Variants in SERGEF observed in about 807,000 individuals in gnomAD.
SERGEF encodes the protein secretion regulating guanine nucleotide exchange factor, also known as secretion-regulating guanine nucleotide exchange factor.
A neutral mutation model predicts 50.0 loss-of-function variants in SERGEF; 51 were observed. The observed-to-expected ratio is 1.02, with a 90% CI of 0.81 to 1.29. The LOEUF is 1.29. Ranked by LOEUF, SERGEF falls within the 50% of genes most tolerant of loss-of-function variation. The pLI is 0.00. For synonymous variants in SERGEF, 205 were observed against 212.4 expected, an observed-to-expected ratio of 0.97 and a Z score of 0.30; for missense variants, 521 against 557.0, an observed-to-expected ratio of 0.94 and a Z score of 0.65.
At chr11:17,800,962 G>T (rs539853267) in intron 10 of SERGEF, among the ~76,000 whole-genome samples, 2 of 152,106 alleles carry the variant, frequency 1.3e-5, no homozygotes, top group Non-Finnish European at 2.9e-5. Context: ...TTGGGAGGCC[G>T]AGGCGGGTGG....
At chr11:17,825,675 A>G (rs1850180095) in intron 10 of SERGEF, among the ~76,000 whole-genome samples, 2 of 152,174 alleles carry the variant, frequency 1.3e-5, no homozygotes, top group Admixed American at 1.3e-4. Context: ...TTGGTTTCCT[A>G]CTTTAGAGCT....
intron 5 of SERGEF, among the ~76,000 whole-genome samples, chr11:17,998,427 A>G (rs1309206924): frequency 1.6e-4 from 2 of 12,132 alleles, no homozygotes; most frequent in African/African-American, 6.2e-4. Flanking sequence ...AAAAATACAT[A>G]CATACATACA....
chr11:17,788,238 C>A lies in SERGEF; in HGVS notation c.1224G>T (p.Leu408Phe). The change falls in exon 11 of 11, where the codon TTG becomes TTT. Residue 408 changes from leucine to phenylalanine, a missense_variant. Leu to Phe is a conservative substitution (Grantham distance 22). Transcript: ENST00000265965. The part of the protein sequence containing the change: ...ALCQLPAHPA[L>F]VQDPKVTYLS... ...GGTAGGTGACCTTGGGGTCCTGGAC[C>A]AATGCAGGGTGAGCTGGCAGCTGGC... 1 of 1,613,862 alleles carries A rather than the reference C, an allele frequency of 6.2e-7. No homozygotes were observed. The highest frequency in any genetic ancestry group is 8.5e-7 in the Non-Finnish European group (1 of 1,179,856).
chr11:17,993,858 A>G (rs1438426685), intron 6 of SERGEF, among the ~76,000 whole-genome samples: 1 of 152,124 alleles, frequency 6.6e-6, no homozygotes, highest in Non-Finnish European at 1.5e-5. Flanking sequence ...TGAGAACGGG[A>G]GGACGAAAAG....
chr11:17,925,157 A>G (rs568383067), intron 9 of SERGEF, among the ~76,000 whole-genome samples: 55 of 152,268 alleles, frequency 3.6e-4, no homozygotes, highest in African/African-American at 1.2e-3. Context: ...AGAAAAAACA[A>G]TAGCCTCTTT....
At chr11:17,871,057 C>A (rs1851129268) in intron 10 of SERGEF, among the ~76,000 whole-genome samples, 1 of 151,782 alleles carries the variant, frequency 6.6e-6, no homozygotes, top group South Asian at 2.1e-4. Context: ...ATATAAAAGG[C>A]AAAATAATAA....
intron 9 of SERGEF, among the ~76,000 whole-genome samples, chr11:17,890,026 CAAAAAAAA>C (rs59805347): frequency 2.7e-5 from 2 of 73,946 alleles, no homozygotes; most frequent in African/African-American, 8.9e-5. Flanking sequence ...ACACTTCAAC[CAAAAAAAA>C]AAAAAAAAAA....
rs1327619238 is a variant in SERGEF, at chr11:17,970,340, C to T, written c.845-10704G>A. 2.0e-5 allele frequency among the ~76,000 whole-genome samples: 3 copies of T among 152,260 alleles called. No homozygotes were observed. In the East Asian group the frequency reaches 5.8e-4, roughly 29 times the overall value. ...TTATTTTGGGGCATCATGAACCATG[C>T]CCATGTAAGATGGCAAACTTAATCG... On this transcript the variant is annotated intron_variant, in intron 8 of 10. Coordinates refer to ENST00000265965, the MANE Select transcript of SERGEF (RefSeq NM_012139.4).
chr11:17,945,479 T>G (rs968439727), intron 9 of SERGEF, among the ~76,000 whole-genome samples: 1 of 152,230 alleles, frequency 6.6e-6, no homozygotes, highest in Admixed American at 6.5e-5. Flanking sequence ...GTCGGTTACT[T>G]TAACCATATT....
At chr11:17,803,262 A>C (rs1849703638) in intron 10 of SERGEF, among the ~76,000 whole-genome samples, 1 of 152,248 alleles carries the variant, frequency 6.6e-6, no homozygotes, top group Admixed American at 6.5e-5. Context: ...GACCACCTCC[A>C]ACTCTAGGAT....
chr11:17,910,193 A>ACTCT (rs1219567785), intron 9 of SERGEF, among the ~76,000 whole-genome samples: 1,936 of 145,674 alleles, frequency 0.013, 21 homozygotes, highest in Non-Finnish European at 0.018. Context: ...ACACACACAC[A>ACTCT]CTCTCTCTCT....
intron 10 of SERGEF, among the ~76,000 whole-genome samples, chr11:17,866,080 G>A (rs1374063357): frequency 2.0e-5 from 3 of 152,216 alleles, no homozygotes; most frequent in African/African-American, 4.8e-5. Flanking sequence ...CTAAAAAACT[G>A]TTGCTCTGCC....
At chr11:17,821,292 T>C (rs967150213) in intron 10 of SERGEF, among the ~76,000 whole-genome samples, 2 of 152,212 alleles carry the variant, frequency 1.3e-5, no homozygotes, top group African/African-American at 2.4e-5. Flanking sequence ...TATGGGAGAC[T>C]AATAATTTTT....
intron 8 of SERGEF, among the ~76,000 whole-genome samples, chr11:17,963,380 AAAAAAAAAAAAAAAAT>A (rs1315620424): frequency 6.7e-6 from 1 of 148,436 alleles, no homozygotes; most frequent in African/African-American, 2.5e-5. Flanking sequence ...AAAAAAAAAA[AAAAAAAAAAAAAAAAT>A]TTTTTTTTTG....
At chr11:17,830,762 G>C (rs891772576) in intron 10 of SERGEF, among the ~76,000 whole-genome samples, 26 of 151,506 alleles carry the variant, frequency 1.7e-4, no homozygotes, top group Admixed American at 3.3e-4. Context: ...CATAAGGGCA[G>C]ACCTAAACAC....
At chr11:17,840,687 G>T (rs990323447) in intron 10 of SERGEF, among the ~76,000 whole-genome samples, 2 of 152,164 alleles carry the variant, frequency 1.3e-5, no homozygotes, top group Admixed American at 1.3e-4. Context: ...AGTTGCAGCT[G>T]CAGAAGAAGC....
At chr11:17,842,087 T>TA (rs1850513150) in intron 10 of SERGEF, among the ~76,000 whole-genome samples, 1 of 152,160 alleles carries the variant, frequency 6.6e-6, no homozygotes, top group African/African-American at 2.4e-5. Context: ...TTTTTTTTTT[T>TA]AACAGTGTCT....
intron 10 of SERGEF, among the ~76,000 whole-genome samples, chr11:17,809,852 C>A (rs1005561608): frequency 6.6e-6 from 1 of 152,098 alleles, no homozygotes; most frequent in Non-Finnish European, 1.5e-5. Context: ...AATCTAGAAT[C>A]CAACCCCAAG....
chr11:17,838,516 T>C (rs1244471161), intron 10 of SERGEF, among the ~76,000 whole-genome samples: 3 of 152,184 alleles, frequency 2.0e-5, no homozygotes, highest in African/African-American at 2.4e-5. Context: ...ACCTCCTCTA[T>C]TCCAGGCTCT....
Sources: gnomAD v4.1 joint callset for allele counts (sites outside exome capture counted in the v4.1 genomes callset) on GRCh38, gnomAD v4.1.1 for gene constraint, MANE v1.5 for transcripts, NCBI Gene and HGNC (gene_info 2026-07-23, HGNC 2026-07-21) for gene names.